The following EIF4E3 variants were observed in gnomAD, a reference collection of about 807,000 sequenced individuals.
EIF4E3 encodes the protein eukaryotic translation initiation factor 4E type 3.
Under a neutral mutation model 31.7 loss-of-function variants are expected in EIF4E3, and 26 were observed. That is an observed-to-expected ratio of 0.82 (90% CI 0.60 to 1.14). The LOEUF is 1.14. EIF4E3 is among the 50% of genes most tolerant of loss of function. The pLI, the probability that EIF4E3 is intolerant of heterozygous loss-of-function variation, is 0.00. For missense variants in EIF4E3, 304 were observed against 270.9 expected, an observed-to-expected ratio of 1.12 and a Z score of -0.86; for synonymous variants, 128 against 107.7, an observed-to-expected ratio of 1.19 and a Z score of -1.17.
At chr3:71,699,162 G>A (rs917292111) in intron 3 of EIF4E3, among the ~76,000 whole-genome samples, 4 of 152,146 alleles carry the variant, frequency 2.6e-5, no homozygotes, top group African/African-American at 9.7e-5. Flanking sequence ...GGGAGGTCAA[G>A]GCTGTGGTGA....
At position 71,684,441 on chromosome 3, in the gene EIF4E3, CAA is replaced by C. The variant is rs1248781521; in HGVS notation, c.*239_*240del. 3 of 353,520 alleles carry C rather than the reference CAA, an allele frequency of 8.5e-6. No homozygotes were observed. Among genetic ancestry groups the C allele is most frequent in the Admixed American group, 4.6e-5 (1 of 21,700 alleles). 21.9% of individuals were successfully genotyped at this position (353,520 alleles called of 1,614,324 possible). ...GAAAAGAACAGAGAATTTAGAAAGC[CAA>C]AAAAAAAGTTTTTTGTGTGTGTTTT... On this transcript the variant is annotated 3_prime_UTR_variant, in exon 7 of 7. Transcript: ENST00000425534.
chr3:71,683,631 T>TTACAAA lies in EIF4E3; in HGVS notation c.*1050_*1051insTTTGTA, dbSNP rs2048951236. On this transcript the variant is annotated 3_prime_UTR_variant, in exon 7 of 7. Coordinates refer to ENST00000425534, the MANE Select transcript of EIF4E3 (RefSeq NM_001134651.2). Reference sequence around the variant, plus strand: ...ACTTTGTAAATGTTCACATGCATCCTGGAAATGAGATTTAACTTCCTGCAC... The same window carrying TTACAAA: ...ACTTTGTAAATGTTCACATGCATCCTTACAAAGGAAATGAGATTTAACTTCCTGCAC... 1 of 152,214 alleles carries TTACAAA rather than the reference T, an allele frequency of 6.6e-6. No individual in the cohort carries two copies. The highest frequency in any genetic ancestry group is 2.4e-5 in the African/African-American group (1 of 41,450). The allele number at this position is 152,214 out of a possible 1,614,324, so 9.4% of individuals were successfully genotyped here. A position where few individuals can be genotyped will look rare whatever the true frequency, so the allele number is the denominator to read the frequency against.
upstream of EIF4E3, among the ~76,000 whole-genome samples, chr3:71,729,956 T>C (rs896056718): frequency 5.3e-5 from 8 of 152,006 alleles, no homozygotes; most frequent in East Asian, 1.5e-3. Context: ...ACTATAAATA[T>C]GCAGGCCTGT....
At chr3:71,721,976 C>A (rs74666906) in intron 1 of EIF4E3, among the ~76,000 whole-genome samples, 1 of 150,424 alleles carries the variant, frequency 6.6e-6, no homozygotes, top group African/African-American at 2.5e-5. Flanking sequence ...GCAAGGGGAC[C>A]GATGAGCAGA....
intron 1 of EIF4E3, among the ~76,000 whole-genome samples, chr3:71,724,842 C>A (rs1010264942): frequency 2.6e-5 from 4 of 152,240 alleles, no homozygotes; most frequent in Non-Finnish European, 5.9e-5. Flanking sequence ...CCTCTCCCTG[C>A]AGCAGGGACG....
the EIF4E3 span, among the ~76,000 whole-genome samples, chr3:71,659,772 C>T: frequency 1.3e-5 from 2 of 152,186 alleles, no homozygotes; most frequent in Non-Finnish European, 2.9e-5. Flanking sequence ...CCTGCTTCTC[C>T]ATCAGGTATT....
At chr3:71,696,962 C>T (rs969359374) in intron 3 of EIF4E3, among the ~76,000 whole-genome samples, 1 of 151,718 alleles carries the variant, frequency 6.6e-6, no homozygotes, top group Non-Finnish European at 1.5e-5. Context: ...TCGTGATCCA[C>T]CGGTCTCGGC....
chr3:71,699,523 T>C (rs1321146139), intron 3 of EIF4E3, 91 bp downstream of exon 3: 1 of 1,166,606 alleles, frequency 8.6e-7, no homozygotes, highest in African/African-American at 1.5e-5. Flanking sequence ...GTTGTCCATG[T>C]GAGACACACA....
intron 1 of EIF4E3, among the ~76,000 whole-genome samples, chr3:71,738,091 A>G (rs1399350887): frequency 6.6e-6 from 1 of 152,254 alleles, no homozygotes; most frequent in Non-Finnish European, 1.5e-5. Flanking sequence ...GTAGTTAAAG[A>G]ACAACACAGC....
In EIF4E3 at chr3:71,690,797, G is replaced by A. The variant is rs112948898; in HGVS notation, c.473-632C>T. Among the ~76,000 whole-genome samples the A allele has an allele frequency of 3.0e-3, 462 of 152,312 alleles. 3 individuals are homozygous for A. Among genetic ancestry groups the A allele is most frequent in the African/African-American group, 9.6e-3 (400 of 41,554 alleles). On this transcript the variant is annotated intron_variant, in intron 5 of 6. Coordinates refer to ENST00000425534, the MANE Select transcript of EIF4E3 (RefSeq NM_001134651.2). The stretch of plus-strand genomic sequence containing the variant: ...TTTCTGGTTTTGGGCATTATATACT[G>A]TGGGCTAGAGAGCCAATGACCATCT...
At chr3:71,661,646 C>T in the EIF4E3 span, among the ~76,000 whole-genome samples, 2,874 of 152,276 alleles carry the variant, frequency 0.019, 92 homozygotes, top group African/African-American at 0.065. Flanking sequence ...CTGTTTTAGG[C>T]TTTGCAGTGG....
Position 71,725,221 on chromosome 3 carries a change from C to A in EIF4E3, c.147G>T (p.Leu49=). The change falls in exon 1 of 7, where the codon CTG becomes CTT. Residue 49 remains leucine, a synonymous_variant. Coordinates refer to ENST00000425534, the MANE Select transcript of EIF4E3 (RefSeq NM_001134651.2). This position sits in a 1 kb window ranked among gnomAD's most constrained non-coding sequence, Gnocchi z 6.1. ...ALQPEPGGVP[L]HSSWTFWLDR... is the part of the protein sequence containing the mutation. Reference sequence around the variant, plus strand: ...CGAGCCAGAAGGTCCAGGACGAGTGCAGCGGGACCCCGCCCGGCTCAGGCT... The same window carrying A: ...CGAGCCAGAAGGTCCAGGACGAGTGAAGCGGGACCCCGCCCGGCTCAGGCT... 8.8e-7 allele frequency: 1 copy of A among 1,137,466 alleles called. No individual in the cohort carries two copies. Among genetic ancestry groups the A allele is most frequent in the South Asian group, 2.3e-5 (1 of 42,952 alleles). 70.5% of individuals were successfully genotyped at this position (1,137,466 alleles called of 1,614,324 possible). A position where few individuals can be genotyped will look rare whatever the true frequency, so the allele number is the denominator to read the frequency against.
At chr3:71,744,471 G>A (rs926534121) in intron 1 of EIF4E3, among the ~76,000 whole-genome samples, 1 of 152,228 alleles carries the variant, frequency 6.6e-6, no homozygotes, top group Non-Finnish European at 1.5e-5. Flanking sequence ...CTCCGGCTGG[G>A]CACGGTGGCT....
rs2048916951 is a variant in EIF4E3 at position 71,681,112 on chromosome 3, T to G, written c.*3570A>C. On this transcript the variant is annotated 3_prime_UTR_variant, in exon 7 of 7. Transcript: ENST00000425534. ...GCCAATGAGAGCCTAGGATTTGAGA[T>G]ATTTTAAGCACATCTGGAGCGATCT... 6.6e-6 allele frequency: 1 copy of G among 152,254 alleles called. No homozygotes were observed. Among genetic ancestry groups the G allele is most frequent in the Non-Finnish European group, 1.5e-5 (1 of 68,038 alleles). 9.4% of individuals were successfully genotyped at this position (152,254 alleles called of 1,614,324 possible). A position where few individuals can be genotyped will look rare whatever the true frequency, so the allele number is the denominator to read the frequency against.
intron 1 of EIF4E3, among the ~76,000 whole-genome samples, chr3:71,744,005 CAT>C (rs1056271451): frequency 6.6e-6 from 1 of 151,978 alleles, no homozygotes; most frequent in East Asian, 1.9e-4. Flanking sequence ...TAGAAGAAAA[CAT>C]AGGAGAAAAT....
At chr3:71,708,154 AAG>A (rs973654577) in intron 2 of EIF4E3, among the ~76,000 whole-genome samples, 39 of 152,162 alleles carry the variant, frequency 2.6e-4, no homozygotes, top group Admixed American at 1.6e-3. Context: ...GATTACAGGC[AAG>A]AGTCACCATG....
chr3:71,683,405 G>C lies in EIF4E3; in HGVS notation c.*1277C>G, dbSNP rs2048947380. 1 of 152,236 alleles carries C rather than the reference G, an allele frequency of 6.6e-6. No individual in the cohort carries two copies. Among genetic ancestry groups the C allele is most frequent in the African/African-American group, 2.4e-5 (1 of 41,454 alleles). 9.4% of individuals were successfully genotyped at this position (152,236 alleles called of 1,614,324 possible). A position where few individuals can be genotyped will look rare whatever the true frequency, so the allele number is the denominator to read the frequency against. ...AAGCCGACTGGGGGAAGTGTCTTCA[G>C]ATGGCCCTGCCCTTTATCAGGCAAA... On this transcript the variant is annotated 3_prime_UTR_variant, in exon 7 of 7. Coordinates refer to ENST00000425534, the MANE Select transcript of EIF4E3 (RefSeq NM_001134651.2).
chr3:71,662,094 A>C, the EIF4E3 span, among the ~76,000 whole-genome samples: 3 of 152,214 alleles, frequency 2.0e-5, no homozygotes, highest in Non-Finnish European at 2.9e-5. Context: ...ATTATTGCTT[A>C]ATTTCTTGTT....
intron 3 of EIF4E3, 102 bp downstream of exon 3, chr3:71,699,512 T>C: frequency 9.4e-7 from 1 of 1,058,732 alleles, no homozygotes; most frequent in Admixed American, 1.8e-5. Flanking sequence ...AGACTTTCTA[T>C]GTTGTCCATG....
Sources: gnomAD v4.1 joint callset for allele counts (sites outside exome capture counted in the v4.1 genomes callset) on GRCh38, gnomAD v4.1.1 for gene constraint, Gnocchi (gnomAD v3.1) non-coding constraint, MANE v1.5 for transcripts, NCBI Gene and HGNC (gene_info 2026-07-23, HGNC 2026-07-21) for gene names.